CCSER1: variants seen among roughly 807,000 people sequenced by gnomAD.
CCSER1 encodes serine-rich coiled-coil domain-containing protein 1.
A neutral mutation model predicts 82.0 loss-of-function variants in CCSER1; 41 were observed. The observed-to-expected ratio is 0.50, with a 90% CI of 0.39 to 0.65. The LOEUF is 0.65. Ranked by LOEUF, CCSER1 falls within the 30% of genes least tolerant of loss-of-function variation. The pLI is 0.00. For missense variants in CCSER1, 1,119 were observed against 1,064.2 expected, an observed-to-expected ratio of 1.05 and a Z score of -0.72; for synonymous variants, 414 against 383.9, an observed-to-expected ratio of 1.08 and a Z score of -0.92.
chr4:90,811,970 A>G (rs114588805), intron 7 of CCSER1, among the ~76,000 whole-genome samples: 11,935 of 42,220 alleles, frequency 0.28, 556 homozygotes, highest in East Asian at 0.35. Context: ...ATATATACAC[A>G]TATATATATA....
At chr4:90,698,557 G>T (rs2149264797) in intron 6 of CCSER1, among the ~76,000 whole-genome samples, 1 of 152,190 alleles carries the variant, frequency 6.6e-6, no homozygotes, top group African/African-American at 2.4e-5. Flanking sequence ...TCTTTCTCTA[G>T]AAAGTGAATT....
chr4:90,884,617 AT>A (rs1721846059), intron 8 of CCSER1, among the ~76,000 whole-genome samples: 1 of 152,170 alleles, frequency 6.6e-6, no homozygotes, highest in East Asian at 1.9e-4. Flanking sequence ...GCAGAAAAAA[AT>A]GTTAAAATTT....
chr4:90,489,986 G>T (rs1220643587), intron 5 of CCSER1, among the ~76,000 whole-genome samples: 1 of 152,158 alleles, frequency 6.6e-6, no homozygotes, highest in Admixed American at 6.5e-5. Flanking sequence ...AAACATACGT[G>T]TGCATGTGTC....
intron 4 of CCSER1, among the ~76,000 whole-genome samples, chr4:90,413,948 CAAAAAAAAAAAAAAAAAAAAAAAA>C (rs570689214): frequency 4.5e-5 from 1 of 22,354 alleles, no homozygotes; most frequent in Non-Finnish European, 9.0e-5. Context: ...GACACCGTCT[CAAAAAAAAAAAAAAAAAAAAAAAA>C]AAAAAAAAAA....
At chr4:91,289,193 T>C (rs1743562214) in intron 10 of CCSER1, among the ~76,000 whole-genome samples, 1 of 152,000 alleles carries the variant, frequency 6.6e-6, no homozygotes, top group African/African-American at 2.4e-5. Flanking sequence ...CCTGCCTTTA[T>C]TGACCTAGAC....
chr4:91,083,676 A>G (rs1378241306), intron 9 of CCSER1, among the ~76,000 whole-genome samples: 1 of 152,206 alleles, frequency 6.6e-6, no homozygotes, highest in Non-Finnish European at 1.5e-5. Flanking sequence ...AATAATATCA[A>G]AATTAAACTT....
chr4:90,616,801 G>T (rs1352279801), intron 5 of CCSER1, among the ~76,000 whole-genome samples: 1 of 151,700 alleles, frequency 6.6e-6, no homozygotes, highest in Non-Finnish European at 1.5e-5. Context: ...AAATAAAAGA[G>T]CTTATAGGAA....
intron 5 of CCSER1, among the ~76,000 whole-genome samples, chr4:90,475,737 G>A (rs1764986676): frequency 6.6e-6 from 1 of 152,158 alleles, no homozygotes; most frequent in Admixed American, 6.6e-5. Context: ...CCCCCATAAA[G>A]AGGGGCAAAG....
At chr4:91,460,242 G>A (rs777787434) in intron 10 of CCSER1, among the ~76,000 whole-genome samples, 12 of 152,070 alleles carry the variant, frequency 7.9e-5, no homozygotes, top group African/African-American at 7.2e-5. Flanking sequence ...TTGATAATTC[G>A]TAGGGATGGG....
At chr4:91,259,418 C>T (rs1258613129) in intron 10 of CCSER1, among the ~76,000 whole-genome samples, 1 of 152,078 alleles carries the variant, frequency 6.6e-6, no homozygotes, top group East Asian at 1.9e-4. Flanking sequence ...GATATCAACT[C>T]ATACAAACAT....
chr4:90,663,418 C>T (rs987291926), intron 6 of CCSER1, among the ~76,000 whole-genome samples: 18 of 152,120 alleles, frequency 1.2e-4, no homozygotes, highest in African/African-American at 3.9e-4. Context: ...TGGCTACACA[C>T]AAGAAACAAA....
chr4:90,561,583 C>G (rs1166255078), intron 5 of CCSER1, among the ~76,000 whole-genome samples: 1 of 152,058 alleles, frequency 6.6e-6, no homozygotes, highest in Non-Finnish European at 1.5e-5. Context: ...TGTTAAGGAG[C>G]AATTGATTTT....
intron 6 of CCSER1, among the ~76,000 whole-genome samples, chr4:90,658,014 G>A (rs554663495): frequency 6.6e-6 from 1 of 152,118 alleles, no homozygotes; most frequent in Non-Finnish European, 1.5e-5. Context: ...TGAGGCATGA[G>A]AATTGCTTGA....
intron 9 of CCSER1, among the ~76,000 whole-genome samples, chr4:90,961,897 A>G (rs1318981963): frequency 6.6e-6 from 1 of 152,040 alleles, no homozygotes; most frequent in Non-Finnish European, 1.5e-5. Flanking sequence ...CCTTTTTCTC[A>G]TTTAGCCTGA....
intron 10 of CCSER1, among the ~76,000 whole-genome samples, chr4:91,095,963 G>A (rs1381931217): frequency 6.6e-6 from 1 of 152,170 alleles, no homozygotes; most frequent in African/African-American, 2.4e-5. Flanking sequence ...TGTTAAAGAT[G>A]TACATGAGTA....
chr4:90,930,910 T>TTATA (rs70963098), intron 9 of CCSER1, among the ~76,000 whole-genome samples: 8,618 of 109,306 alleles, frequency 0.079, 420 homozygotes, highest in East Asian at 0.2. Flanking sequence ...TATCCTTATT[T>TTATA]TATATATATA....
At chr4:90,259,445 A>T (rs1723920214) in intron 1 of CCSER1, among the ~76,000 whole-genome samples, 2 of 151,240 alleles carry the variant, frequency 1.3e-5, no homozygotes, top group Admixed American at 1.3e-4. Context: ...TTTTTTTCCC[A>T]ATTTGTATGT....
chr4:91,402,241 G>T (rs1007049370), intron 10 of CCSER1, among the ~76,000 whole-genome samples: 4 of 152,016 alleles, frequency 2.6e-5, no homozygotes, highest in African/African-American at 7.2e-5. Context: ...TTTTGATGGG[G>T]TTGATTTTTT....
chr4:90,918,656 A>T (rs1015425729), intron 8 of CCSER1, among the ~76,000 whole-genome samples: 1 of 141,692 alleles, frequency 7.1e-6, no homozygotes, highest in Non-Finnish European at 1.6e-5. Context: ...TATATATATT[A>T]GTAATAAAAC....
Sources: gnomAD v4.1 joint callset for allele counts (sites outside exome capture counted in the v4.1 genomes callset) on GRCh38, gnomAD v4.1.1 for gene constraint, MANE v1.5 for transcripts, NCBI Gene and HGNC (gene_info 2026-07-23, HGNC 2026-07-21) for gene names.